Variants in PLB1 observed in about 807,000 individuals in gnomAD.
PLB1 encodes the protein phospholipase B1.
In PLB1, 242 loss-of-function variants were observed where a neutral mutation model predicts 227.4. The ratio of observed to expected loss-of-function variants is 1.06; its 90% CI spans 0.96 to 1.18. PLB1 has a LOEUF of 1.18. Among genes scored for constraint, PLB1 ranks in the 50% most tolerant of loss-of-function variants. The pLI, the probability that PLB1 is intolerant of heterozygous loss-of-function variation, is 0.00. For synonymous variants in PLB1, 757 were observed against 682.2 expected, an observed-to-expected ratio of 1.11 and a Z score of -1.71; for missense variants, 1,858 against 1,816.3, an observed-to-expected ratio of 1.02 and a Z score of -0.42.
At position 28,589,462 on chromosome 2, in the gene PLB1, C is replaced by G. The variant is rs777134176; in HGVS notation, c.1828C>G (p.Gln610Glu). 7.4e-6 allele frequency: 12 copies of G among 1,613,908 alleles called. No individual in the cohort carries two copies. Among genetic ancestry groups the G allele is most frequent in the Middle Eastern group, 1.6e-4 (1 of 6,082 alleles). The stretch of plus-strand genomic sequence containing the variant: ...TTTCCTCCTGCAGGAGAAGACCCAC[C>G]AACTGATTGAGAGTGGGCGATATGA... ...FNKKFQEKTH[Q>E]LIESGRYDTR... The change falls in exon 27 of 58, where the codon CAA becomes GAA. Residue 610 changes from glutamine to glutamate, a missense_variant. By Grantham distance (29) the Gln-to-Glu change is conservative. Coordinates refer to ENST00000327757, the MANE Select transcript of PLB1 (RefSeq NM_153021.5).
Position 28,601,887 on chromosome 2 carries a change from G to C in PLB1, c.2608-12G>C. The stretch of plus-strand genomic sequence containing the variant: ...CCAGTTCCTCCTTTTCCTCCTTCCT[G>C]TCTCTTTCTAGAATCTGTATTCTGC... On this transcript the variant is annotated splice_polypyrimidine_tract_variant and intron_variant, in intron 37 of 57. Coordinates refer to ENST00000327757, the MANE Select transcript of PLB1 (RefSeq NM_153021.5). 1 of 1,594,094 alleles carries C rather than the reference G, an allele frequency of 6.3e-7. No homozygotes were observed. Among genetic ancestry groups the C allele is most frequent in the Non-Finnish European group, 8.6e-7 (1 of 1,162,052 alleles).
chr2:28,525,419 T>C (rs1222848559), intron 5 of PLB1, 112 bp downstream of exon 5: 1 of 1,177,990 alleles, frequency 8.5e-7, no homozygotes, highest in Non-Finnish European at 1.2e-6. Context: ...AGTGCCTTGC[T>C]CAAGGCTACC....
intron 33 of PLB1, among the ~76,000 whole-genome samples, chr2:28,596,757 C>T (rs954457717): frequency 1.3e-5 from 2 of 152,220 alleles, no homozygotes; most frequent in African/African-American, 4.8e-5. Context: ...GGAGCGAGAA[C>T]TGAGTGAAGG....
At chr2:28,571,914 CAAAA>C (rs1678074805) in intron 20 of PLB1, among the ~76,000 whole-genome samples, 1 of 150,042 alleles carries the variant, frequency 6.7e-6, no homozygotes, top group Non-Finnish European at 1.5e-5. Context: ...AGACAAGTGA[CAAAA>C]GAAAAAAAAA....
At chr2:28,546,255 A>G (rs1673246225) in intron 14 of PLB1, among the ~76,000 whole-genome samples, 1 of 152,074 alleles carries the variant, frequency 6.6e-6, no homozygotes, top group South Asian at 2.1e-4. Context: ...CTTGTACATC[A>G]GTCGTTTTGA....
At position 28,582,434 on chromosome 2, in the gene PLB1, G is replaced by T. The variant is rs559593863; in HGVS notation, c.1662G>T (p.Thr554=). Residue 554 remains threonine, a synonymous_variant, in exon 25 of 58, where the codon ACG becomes ACT. Coordinates refer to ENST00000327757, the MANE Select transcript of PLB1 (RefSeq NM_153021.5). ...EVPRAFVNLV[T]VLEIVNLREL... ...CTCGGGCATTTGTGAACCTGGTGAC[G>T]GTGCTTGAGATCGTCAACCTGAGGG... The T allele has an allele frequency of 6.2e-7, 1 of 1,613,358 alleles. No homozygotes were observed. The highest frequency in any genetic ancestry group is 8.5e-7 in the Non-Finnish European group (1 of 1,179,680).
chr2:28,577,481 C>T (rs926032160), intron 21 of PLB1, among the ~76,000 whole-genome samples: 1 of 152,236 alleles, frequency 6.6e-6, no homozygotes, highest in African/African-American at 2.4e-5. Flanking sequence ...GGCAAAACTT[C>T]TGTTTGCCCT....
Position 28,614,171 on chromosome 2 carries a change from G to T in PLB1, c.3195+75G>T, listed in dbSNP as rs754706568. The T allele has an allele frequency of 6.4e-5, 87 of 1,362,094 alleles. No individual in the cohort carries two copies. In the Middle Eastern group the frequency reaches 6.8e-3, roughly 107 times the overall value. The allele number at this position is 1,362,094 out of a possible 1,614,324, so 84.4% of individuals were successfully genotyped here. A position where few individuals can be genotyped will look rare whatever the true frequency, so the allele number is the denominator to read the frequency against. The stretch of plus-strand genomic sequence containing the variant: ...TGCCAGGGGCTCGGGTGTGGTACAG[G>T]TTTCAGAGTATTCACTGAAGCAGAA... On this transcript the variant is annotated intron_variant, in intron 44 of 57. Coordinates refer to ENST00000327757, the MANE Select transcript of PLB1 (RefSeq NM_153021.5).
chr2:28,583,369 A>AG (rs1332905692), intron 25 of PLB1, among the ~76,000 whole-genome samples: 1 of 151,988 alleles, frequency 6.6e-6, no homozygotes, highest in African/African-American at 2.4e-5. Context: ...TTTTTAGTAG[A>AG]GACGGAGTTT....
intron 21 of PLB1, among the ~76,000 whole-genome samples, chr2:28,575,001 T>G (rs1678690606): frequency 6.6e-6 from 1 of 152,254 alleles, no homozygotes; most frequent in Admixed American, 6.5e-5. Context: ...CTTTTTCATG[T>G]AATGACTTAT....
At chr2:28,527,263 G>T (rs1406900088) in intron 6 of PLB1, among the ~76,000 whole-genome samples, 2 of 152,162 alleles carry the variant, frequency 1.3e-5, no homozygotes, top group Admixed American at 6.5e-5. Context: ...GTCCCAGCTG[G>T]CCAGAGGTCC....
At chr2:28,524,613 TA>T (rs1464896458) in intron 4 of PLB1, among the ~76,000 whole-genome samples, 1 of 152,160 alleles carries the variant, frequency 6.6e-6, no homozygotes, top group East Asian at 1.9e-4. Flanking sequence ...TTATGTCTAG[TA>T]GGGGGAGAGT....
intron 9 of PLB1, among the ~76,000 whole-genome samples, chr2:28,533,497 G>C (rs892406523): frequency 6.6e-6 from 1 of 152,156 alleles, no homozygotes; most frequent in Non-Finnish European, 1.5e-5. Context: ...ATTGCTCTCT[G>C]TACTCATTAA....
chr2:28,510,596 A>AT (rs976269892), intron 1 of PLB1, among the ~76,000 whole-genome samples: 6 of 120,274 alleles, frequency 5.0e-5, no homozygotes, highest in Admixed American at 8.2e-5. Context: ...TTTACTCCTG[A>AT]TTGTTTTTTC....
chr2:28,545,553 C>T (rs1472368703), intron 14 of PLB1, among the ~76,000 whole-genome samples: 2 of 152,144 alleles, frequency 1.3e-5, no homozygotes, highest in Admixed American at 1.3e-4. Flanking sequence ...TTTCTTGAGG[C>T]AAGTCACACG....
chr2:28,611,088 A>G (rs1685390331), intron 43 of PLB1, among the ~76,000 whole-genome samples: 1 of 152,116 alleles, frequency 6.6e-6, no homozygotes, highest in African/African-American at 2.4e-5. Context: ...ACAGGAACAT[A>G]GGAGTTGGAA....
Position 28,541,887 on chromosome 2 carries a change from C to T in PLB1, c.879+76C>T, listed in dbSNP as rs1251508588. 7.5e-6 allele frequency: 9 copies of T among 1,202,844 alleles called. 1 individual carries two copies. In the Middle Eastern group the frequency reaches 5.6e-4, roughly 75 times the overall value. The allele number at this position is 1,202,844 out of a possible 1,614,324, so 74.5% of individuals were successfully genotyped here. A position where few individuals can be genotyped will look rare whatever the true frequency, so the allele number is the denominator to read the frequency against. Reference sequence around the variant, plus strand: ...GTGGCTCACTCCTGTAATCCCAGCACTTTGGGAGGCCGAGGTGGGTGGATT... The same window carrying T: ...GTGGCTCACTCCTGTAATCCCAGCATTTTGGGAGGCCGAGGTGGGTGGATT... On this transcript the variant is annotated intron_variant, in intron 13 of 57. Transcript: ENST00000327757.
At chr2:28,505,849 G>A (rs767904080) in intron 1 of PLB1, among the ~76,000 whole-genome samples, 2 of 152,160 alleles carry the variant, frequency 1.3e-5, no homozygotes, top group Non-Finnish European at 2.9e-5. Context: ...CACACACCTA[G>A]TTGGTGGCAT....
Position 28,604,638 on chromosome 2 carries a change from T to C in PLB1, c.2857-17T>C, listed in dbSNP as rs1332436882. ...CACCCAGGGCCTGGGCTGAAGACCC[T>C]GTGCATGTGTCCCCAGAGCAGCATG... On this transcript the variant is annotated splice_polypyrimidine_tract_variant and intron_variant, in intron 40 of 57. Coordinates refer to ENST00000327757, the MANE Select transcript of PLB1 (RefSeq NM_153021.5). The C allele has an allele frequency of 1.2e-6, 2 of 1,610,818 alleles. No individual in the cohort carries two copies. The highest frequency in any genetic ancestry group is 1.3e-5 in the African/African-American group (1 of 74,860).
Sources: gnomAD v4.1 joint callset for allele counts (sites outside exome capture counted in the v4.1 genomes callset) on GRCh38, gnomAD v4.1.1 for gene constraint, MANE v1.5 for transcripts, NCBI Gene and HGNC (gene_info 2026-07-23, HGNC 2026-07-21) for gene names.